GMPR: variants seen among roughly 807,000 people sequenced by gnomAD.
GMPR encodes guanosine monophosphate reductase.
In GMPR, 31 loss-of-function variants were observed where a neutral mutation model predicts 38.4. That is an observed-to-expected ratio of 0.81 (90% confidence interval 0.61 to 1.09). The LOEUF (loss-of-function observed/expected upper bound fraction) is 1.09. Ranked by LOEUF, GMPR falls within the 50% of genes least tolerant of loss-of-function variation. GMPR has a pLI of 0.00. For synonymous variants in GMPR, 162 were observed against 173.3 expected, an observed-to-expected ratio of 0.93 and a Z score of 0.51; for missense variants, 468 against 453.7, an observed-to-expected ratio of 1.03 and a Z score of -0.29.
intron 3 of GMPR, among the ~76,000 whole-genome samples, chr6:16,253,893 G>A (rs774201823): frequency 6.6e-6 from 1 of 152,074 alleles, no homozygotes; most frequent in Non-Finnish European, 1.5e-5. Flanking sequence ...TCCCTGATAT[G>A]ACACAATCAT....
chr6:16,242,767 T>C (rs1409426651), intron 1 of GMPR, among the ~76,000 whole-genome samples: 1 of 152,040 alleles, frequency 6.6e-6, no homozygotes, highest in Non-Finnish European at 1.5e-5. Context: ...GCCTCCCGAG[T>C]AACTGGGATT....
At chr6:16,267,394 A>G (rs928118160) in intron 4 of GMPR, among the ~76,000 whole-genome samples, 8 of 151,768 alleles carry the variant, frequency 5.3e-5, no homozygotes, top group Non-Finnish European at 1.2e-4. Flanking sequence ...TGTAACACTC[A>G]CTGTGAAGGT....
At chr6:16,265,878 T>C (rs60418706) in intron 4 of GMPR, among the ~76,000 whole-genome samples, 16,800 of 152,208 alleles carry the variant, frequency 0.11, 1,697 homozygotes, top group African/African-American at 0.26. Context: ...CCACGCGACG[T>C]TTATGAGCTG....
intron 3 of GMPR, among the ~76,000 whole-genome samples, chr6:16,252,532 C>G (rs527879674): frequency 6.6e-6 from 1 of 152,248 alleles, no homozygotes; most frequent in East Asian, 1.9e-4. Flanking sequence ...GCCACCATGC[C>G]CGGCCTCCCT....
chr6:16,286,078 C>T (rs1478022393), intron 7 of GMPR, among the ~76,000 whole-genome samples: 2 of 152,106 alleles, frequency 1.3e-5, no homozygotes, highest in Non-Finnish European at 2.9e-5. Flanking sequence ...GGTGAAGTCA[C>T]GGCCTTTTCA....
chr6:16,266,632 C>G (rs1011683710), intron 4 of GMPR, among the ~76,000 whole-genome samples: 2 of 151,576 alleles, frequency 1.3e-5, no homozygotes, highest in African/African-American at 4.8e-5. Context: ...GAAACCCCAT[C>G]TCTACTAAAA....
intron 6 of GMPR, among the ~76,000 whole-genome samples, chr6:16,279,270 C>G (rs1759535472): frequency 6.6e-6 from 1 of 152,136 alleles, no homozygotes; most frequent in Non-Finnish European, 1.5e-5. Context: ...TTGGGGGGGG[C>G]ATGCTCCCTC....
chr6:16,240,989 G>A (rs1758638119), intron 1 of GMPR, among the ~76,000 whole-genome samples: 1 of 152,068 alleles, frequency 6.6e-6, no homozygotes, highest in Admixed American at 6.5e-5. Flanking sequence ...CGGTGGCGTT[G>A]AGGGATCTAG....
In GMPR at chr6:16,290,653, G is replaced by A. The variant is rs769871417; in HGVS notation, c.857+32G>A. 7.5e-6 allele frequency: 12 copies of A among 1,594,968 alleles called. No individual in the cohort carries two copies. The Admixed American group carries it at 2.0e-4, about 27-fold the overall frequency. ...AGGTGACCCCGGGGCGCACCCTCGA[G>A]GCCTGGCCTTGCTTTTCTTACGGAG... On this transcript the variant is annotated intron_variant, in intron 8 of 8. Coordinates refer to ENST00000259727, the MANE Select transcript of GMPR (RefSeq NM_006877.4).
intron 8 of GMPR, among the ~76,000 whole-genome samples, chr6:16,293,389 C>T (rs920885716): frequency 2.6e-5 from 4 of 152,198 alleles, no homozygotes; most frequent in Non-Finnish European, 5.9e-5. Flanking sequence ...GAGTGCTGAG[C>T]CCTGAACCAT....
At chr6:16,255,780 G>A (rs1396736984) in intron 4 of GMPR, among the ~76,000 whole-genome samples, 1 of 151,794 alleles carries the variant, frequency 6.6e-6, no homozygotes, top group Admixed American at 6.6e-5. Context: ...TTTGAATTTT[G>A]AACTTCGTTT....
intron 1 of GMPR, among the ~76,000 whole-genome samples, chr6:16,241,507 G>A (rs913827829): frequency 2.0e-5 from 3 of 152,210 alleles, no homozygotes; most frequent in Non-Finnish European, 4.4e-5. Context: ...CTCCAGGGAG[G>A]CATTCATCTC....
At chr6:16,256,942 G>A (rs999345511) in intron 4 of GMPR, among the ~76,000 whole-genome samples, 1 of 152,110 alleles carries the variant, frequency 6.6e-6, no homozygotes, top group African/African-American at 2.4e-5. Flanking sequence ...CTTTGACCCT[G>A]GTTCCTGACA....
intron 6 of GMPR, among the ~76,000 whole-genome samples, chr6:16,279,266 G>A (rs911814787): frequency 1.8e-4 from 27 of 152,190 alleles, no homozygotes; most frequent in Non-Finnish European, 1.6e-4. Context: ...GGTGTTGGGG[G>A]GGGCATGCTC....
intron 4 of GMPR, among the ~76,000 whole-genome samples, chr6:16,259,798 A>G (rs1425635684): frequency 6.6e-6 from 1 of 152,178 alleles, no homozygotes; most frequent in Non-Finnish European, 1.5e-5. Context: ...AAGGAAATTC[A>G]GCATAGTCCT....
intron 2 of GMPR, among the ~76,000 whole-genome samples, chr6:16,249,166 ATTTTT>A (rs11292107): frequency 1.0e-5 from 1 of 96,468 alleles, no homozygotes; most frequent in African/African-American, 4.5e-5. Context: ...ACATTTTGTA[ATTTTT>A]TTTTTTTTTT....
intron 4 of GMPR, among the ~76,000 whole-genome samples, chr6:16,264,759 G>A (rs1759158042): frequency 6.6e-6 from 1 of 152,184 alleles, no homozygotes; most frequent in African/African-American, 2.4e-5. Context: ...AATGTCATCA[G>A]TTAAGGCAGG....
At chr6:16,250,226 G>A in intron 2 of GMPR, 58 bp from the exon 3 acceptor site, 1 of 890,364 alleles carries the variant, frequency 1.1e-6, no homozygotes, top group Non-Finnish European at 1.9e-6. Context: ...TCCAGATGGA[G>A]GAGGGAGGGG....
chr6:16,272,862 C>T (rs1047559765), intron 4 of GMPR, among the ~76,000 whole-genome samples: 7 of 151,826 alleles, frequency 4.6e-5, no homozygotes, highest in Non-Finnish European at 7.4e-5. Context: ...TGGGATTTTG[C>T]CATGTTGCCC....
Sources: gnomAD v4.1 joint callset for allele counts (sites outside exome capture counted in the v4.1 genomes callset) on GRCh38, gnomAD v4.1.1 for gene constraint, MANE v1.5 for transcripts, NCBI Gene and HGNC (gene_info 2026-07-23, HGNC 2026-07-21) for gene names.